The following FAM120C variants were observed in gnomAD, a reference collection of about 807,000 sequenced individuals.
FAM120C encodes the protein constitutive coactivator of PPAR-gamma-like protein 2.
FAM120C carries 14 observed loss-of-function variants against 71.2 expected under a neutral mutation model. The ratio of observed to expected loss-of-function variants is 0.20; its 90% CI spans 0.13 to 0.31. FAM120C has a LOEUF of 0.31. Ranked by LOEUF, FAM120C falls within the 10% of genes least tolerant of loss-of-function variation. The pLI, the probability that FAM120C is intolerant of heterozygous loss-of-function variation, is 1.00. For synonymous variants in FAM120C, 354 were observed against 353.2 expected (o/e 1.00, Z -0.03); for missense variants, 500 against 879.0 (o/e 0.57, Z 5.45).
In FAM120C at chrX:54,093,794, C is replaced by A. The variant is rs782490093; in HGVS notation, c.2313-2368G>T. ...GTGCGATTTTTGGAATTACATGATT[C>A]CACTGGGGATTTTCCCCAGAAAATA... On this transcript the variant is annotated intron_variant, in intron 10 of 15. Transcript: ENST00000375180. Among the ~76,000 whole-genome samples, 13 of 111,592 alleles carry A rather than the reference C, an allele frequency of 1.2e-4. 1 individual carries two copies. In the South Asian group the frequency reaches 4.9e-3, roughly 42 times the overall value.
chrX:54,157,904 T>C (rs2067217586), intron 2 of FAM120C, 133 bp from the exon 3 acceptor site: 1 of 446,026 alleles, frequency 2.2e-6, no homozygotes, highest in Non-Finnish European at 4.0e-6. Flanking sequence ...ATACTTACAG[T>C]AGTTCTGTGT....
intron 4 of FAM120C, among the ~76,000 whole-genome samples, chrX:54,146,524 T>A (rs1343120498): frequency 9.1e-6 from 1 of 110,002 alleles, no homozygotes; most frequent in Non-Finnish European, 1.9e-5. Context: ...CTACAAAAAA[T>A]TTAAAAATTA....
At position 54,071,435 on chromosome X, in the gene FAM120C, G is replaced by A. The variant is rs983576378; in HGVS notation, c.*1598C>T. 5 of 112,747 alleles carry A rather than the reference G, an allele frequency of 4.4e-5. No homozygotes were observed. Among genetic ancestry groups the A allele is most frequent in the Admixed American group, 9.4e-5 (1 of 10,672 alleles). 9.3% of individuals were successfully genotyped at this position (112,747 alleles called of 1,213,427 possible). A position where few individuals can be genotyped will look rare whatever the true frequency, so the allele number is the denominator to read the frequency against. On this transcript the variant is annotated 3_prime_UTR_variant, in exon 16 of 16. Transcript: ENST00000375180. ...AATGAACAAATGAAACAATCTAGGC[G>A]TGTAAAATCAAATAGTTTCCTCACA...
chrX:54,101,815 A>G (rs782496826), intron 10 of FAM120C, among the ~76,000 whole-genome samples: 2 of 111,451 alleles, frequency 1.8e-5, no homozygotes, highest in Admixed American at 1.9e-4. Context: ...GTCCATATTT[A>G]TATCAGCATT....
chrX:54,144,117 T>C (rs1335616669), intron 4 of FAM120C, among the ~76,000 whole-genome samples: 2 of 111,809 alleles, frequency 1.8e-5, no homozygotes, highest in African/African-American at 6.5e-5. Flanking sequence ...TCAACAGCCC[T>C]TCATGCTAAA....
intron 3 of FAM120C, among the ~76,000 whole-genome samples, chrX:54,156,585 TA>T (rs1215103687): frequency 3.2e-4 from 34 of 104,769 alleles, no homozygotes; most frequent in Admixed American, 4.2e-4. Context: ...ACTGTTAAGT[TA>T]AAAAAAAAAA....
chrX:54,175,010 G>A (rs2067308973), intron 1 of FAM120C, among the ~76,000 whole-genome samples: 1 of 110,781 alleles, frequency 9.0e-6, no homozygotes, highest in South Asian at 3.9e-4. Flanking sequence ...TTTCTTACTT[G>A]TCTCCTCTAC....
At chrX:54,117,684 C>T (rs937213233) in intron 9 of FAM120C, among the ~76,000 whole-genome samples, 3 of 106,719 alleles carry the variant, frequency 2.8e-5, no homozygotes, top group African/African-American at 6.9e-5. Context: ...GGCGACAGAG[C>T]GAGACTTCGT....
intron 10 of FAM120C, among the ~76,000 whole-genome samples, chrX:54,104,638 T>A (rs1557124548): frequency 9.1e-6 from 1 of 109,581 alleles, no homozygotes; most frequent in Non-Finnish European, 1.9e-5. Context: ...CGAAACCACG[T>A]CTCTACTAAA....
intron 10 of FAM120C, among the ~76,000 whole-genome samples, chrX:54,102,857 T>C (rs782346210): frequency 9.6e-6 from 1 of 104,101 alleles, no homozygotes; most frequent in East Asian, 3.0e-4. Context: ...GTAGCTGAGA[T>C]TACAGGCGCG....
intron 15 of FAM120C, among the ~76,000 whole-genome samples, chrX:54,073,655 C>T (rs1431493955): frequency 9.1e-6 from 1 of 110,387 alleles, no homozygotes; most frequent in African/African-American, 3.3e-5. Flanking sequence ...TGGTGTCGAA[C>T]TCCTGGCCTC....
At chrX:54,175,208 G>A (rs2067310324) in intron 1 of FAM120C, among the ~76,000 whole-genome samples, 1 of 111,925 alleles carries the variant, frequency 8.9e-6, no homozygotes, top group African/African-American at 3.3e-5. Flanking sequence ...TCAGAAATCT[G>A]TTTTATTCAC....
chrX:54,118,329 T>C (rs2066984068), intron 9 of FAM120C, among the ~76,000 whole-genome samples: 1 of 110,935 alleles, frequency 9.0e-6, no homozygotes, highest in East Asian at 2.8e-4. Flanking sequence ...CTGAGTAATA[T>C]TCCATGGCAA....
chrX:54,090,356 C>T (rs1367340206), intron 11 of FAM120C, among the ~76,000 whole-genome samples: 1 of 109,681 alleles, frequency 9.1e-6, no homozygotes, highest in Non-Finnish European at 1.9e-5. Context: ...CTCAGCCTCC[C>T]GAGTAGCTGG....
intron 4 of FAM120C, among the ~76,000 whole-genome samples, chrX:54,144,418 A>G (rs1403805675): frequency 8.9e-6 from 1 of 112,144 alleles, no homozygotes; most frequent in East Asian, 2.8e-4. Flanking sequence ...AGAAAACCCC[A>G]TCGTCTCAGC....
intron 3 of FAM120C, among the ~76,000 whole-genome samples, chrX:54,153,821 C>A (rs1281188879): frequency 9.1e-6 from 1 of 110,171 alleles, no homozygotes; most frequent in African/African-American, 3.3e-5. Flanking sequence ...CCGCCTTGGC[C>A]TCCCAAAGTG....
intron 9 of FAM120C, among the ~76,000 whole-genome samples, chrX:54,131,999 G>A (rs1458021256): frequency 1.6e-4 from 17 of 108,670 alleles, no homozygotes; most frequent in Non-Finnish European, 3.0e-4. Flanking sequence ...TCATCTGCCC[G>A]CCTCGGCCTC....
intron 10 of FAM120C, among the ~76,000 whole-genome samples, chrX:54,091,963 T>C (rs1330957954): frequency 2.7e-5 from 3 of 110,662 alleles, no homozygotes; most frequent in Non-Finnish European, 5.7e-5. Context: ...GGGCTTCAGG[T>C]GGTGGAAAGT....
intron 13 of FAM120C, among the ~76,000 whole-genome samples, chrX:54,083,748 C>T (rs887506087): frequency 9.0e-6 from 1 of 111,021 alleles, no homozygotes; most frequent in African/African-American, 3.3e-5. Flanking sequence ...CACAGAGCCT[C>T]GCCATGTCTC....
Sources: allele counts gnomAD v4.1 joint callset (sites outside exome capture counted in the v4.1 genomes callset), GRCh38; gene constraint gnomAD v4.1.1; transcripts MANE v1.5; gene names NCBI Gene and HGNC (gene_info 2026-07-23, HGNC 2026-07-21).